Variants in FAM13C observed in about 807,000 individuals in gnomAD.
FAM13C encodes the protein family with sequence similarity 13 member C.
Under a neutral mutation model 73.2 loss-of-function variants are expected in FAM13C, and 37 were observed. The observed-to-expected ratio is 0.51, with a 90% CI of 0.39 to 0.67. The LOEUF is 0.67. FAM13C is among the 30% of genes least tolerant of loss of function. FAM13C has a pLI of 0.00. For synonymous variants in FAM13C, 246 were observed against 260.9 expected, an observed-to-expected ratio of 0.94 and a Z score of 0.55; for missense variants, 589 against 715.6, an observed-to-expected ratio of 0.82 and a Z score of 2.02.
chr10:59,317,219 G>C (rs1358987783), intron 4 of FAM13C, among the ~76,000 whole-genome samples: 1 of 151,846 alleles, frequency 6.6e-6, no homozygotes, highest in Non-Finnish European at 1.5e-5. Context: ...AGAAATATGG[G>C]AGTAGCCACG....
intron 4 of FAM13C, among the ~76,000 whole-genome samples, chr10:59,315,375 T>A (rs1297766592): frequency 2.6e-5 from 4 of 152,212 alleles, no homozygotes; most frequent in African/African-American, 9.7e-5. Context: ...ACTTAGATCA[T>A]GTCCCCATGT....
intron 1 of FAM13C, 76 bp from the exon 2 acceptor site, chr10:59,356,019 C>G: frequency 7.3e-7 from 1 of 1,373,080 alleles, no homozygotes; most frequent in Non-Finnish European, 1.0e-6. Flanking sequence ...CTAGAATTGT[C>G]TCAAGATTAC....
At chr10:59,307,279 C>T (rs1036146613) in intron 4 of FAM13C, among the ~76,000 whole-genome samples, 16 of 152,000 alleles carry the variant, frequency 1.1e-4, no homozygotes, top group South Asian at 2.1e-4. Flanking sequence ...CAGATAAGGT[C>T]ATGTGGGCAG....
intron 3 of FAM13C, among the ~76,000 whole-genome samples, chr10:59,333,436 C>T (rs1327932298): frequency 2.0e-5 from 3 of 152,042 alleles, no homozygotes; most frequent in Admixed American, 6.6e-5. Context: ...TGCAGTGAGC[C>T]AAAATCACTC....
intron 2 of FAM13C, among the ~76,000 whole-genome samples, chr10:59,353,232 C>G (rs138445549): frequency 2.0e-5 from 3 of 152,256 alleles, no homozygotes; most frequent in South Asian, 2.1e-4. Context: ...ATCCCTACCC[C>G]CCTCCAGTTA....
At chr10:59,319,999 C>G (rs555194524) in intron 4 of FAM13C, among the ~76,000 whole-genome samples, 1 of 152,258 alleles carries the variant, frequency 6.6e-6, no homozygotes, top group African/African-American at 2.4e-5. Context: ...CAGGGAGCTA[C>G]AGAGTCCCCA....
intron 1 of FAM13C, 145 bp from the exon 2 acceptor site, chr10:59,356,088 C>T (rs1424787756): frequency 1.6e-5 from 12 of 748,770 alleles, no homozygotes; most frequent in Non-Finnish European, 2.3e-5. Context: ...AGTTCTGATT[C>T]CTATGTCTCC....
chr10:59,337,216 G>C (rs1016152740), intron 3 of FAM13C, among the ~76,000 whole-genome samples: 3 of 152,182 alleles, frequency 2.0e-5, no homozygotes, highest in African/African-American at 7.2e-5. Flanking sequence ...TGCTAAATTA[G>C]CAAGGAAGAA....
intron 4 of FAM13C, among the ~76,000 whole-genome samples, chr10:59,304,778 G>GGGAAGGGAAA (rs1564553788): frequency 5.8e-5 from 5 of 85,888 alleles, no homozygotes; most frequent in South Asian, 5.9e-4. Flanking sequence ...GGGAAGGGAA[G>GGGAAGGGAAA]GGAAGGGAAG....
chr10:59,337,536 G>A (rs967017166), intron 3 of FAM13C, among the ~76,000 whole-genome samples: 1 of 152,144 alleles, frequency 6.6e-6, no homozygotes, highest in Non-Finnish European at 1.5e-5. Flanking sequence ...AGAGCAAGTT[G>A]TTATTGACCC....
intron 1 of FAM13C, among the ~76,000 whole-genome samples, chr10:59,356,334 A>G (rs1220036167): frequency 6.6e-6 from 1 of 152,094 alleles, no homozygotes; most frequent in African/African-American, 2.4e-5. Flanking sequence ...GGCAGTCCCA[A>G]ACCAAACCAG....
chr10:59,253,265 C>A (rs1452478017), intron 11 of FAM13C, among the ~76,000 whole-genome samples: 1 of 152,204 alleles, frequency 6.6e-6, no homozygotes, highest in African/African-American at 2.4e-5. Context: ...CCAATGAAGG[C>A]ACAGACCATT....
At chr10:59,293,396 T>G (rs1846518615) in intron 5 of FAM13C, among the ~76,000 whole-genome samples, 2 of 152,188 alleles carry the variant, frequency 1.3e-5, no homozygotes, top group South Asian at 4.1e-4. Flanking sequence ...TTCTTAGCAT[T>G]CACACATGAG....
chr10:59,297,438 G>A (rs1315142202), intron 5 of FAM13C, among the ~76,000 whole-genome samples: 2 of 152,140 alleles, frequency 1.3e-5, no homozygotes, highest in Non-Finnish European at 2.9e-5. Flanking sequence ...CCTCACTGTT[G>A]AGTCTACCAA....
chr10:59,360,612 T>C (rs1322861651), intron 1 of FAM13C, among the ~76,000 whole-genome samples: 1 of 152,108 alleles, frequency 6.6e-6, no homozygotes, highest in Non-Finnish European at 1.5e-5. Context: ...AATGACTAGT[T>C]TTAAACAGTC....
chr10:59,262,612 C>T lies in FAM13C; in HGVS notation c.1058G>A (p.Ser353Asn), dbSNP rs766747856. Reference sequence around the variant, plus strand: ...GTTTCTAGGTGGACCTTTGGGAGCACTCCCTTGTTCTTCTGACAGCTTTAG... The same window carrying T: ...GTTTCTAGGTGGACCTTTGGGAGCATTCCCTTGTTCTTCTGACAGCTTTAG... ...LKLKLSEEQG[S>N]APKGPPRNLL... Residue 353 changes from serine to asparagine, a missense_variant, in exon 10 of 14, where the codon AGT becomes AAT. Transcript: ENST00000618804. The T allele has an allele frequency of 4.3e-6, 7 of 1,613,714 alleles. No individual in the cohort carries two copies. In the South Asian group the frequency reaches 7.7e-5, roughly 18 times the overall value.
intron 8 of FAM13C, among the ~76,000 whole-genome samples, chr10:59,265,005 AT>A (rs911030298): frequency 1.1e-4 from 16 of 151,758 alleles, no homozygotes; most frequent in African/African-American, 3.6e-4. Context: ...GGGTTCTGTC[AT>A]TTTTTTTCTT....
At chr10:59,352,591 A>T in intron 2 of FAM13C, 117 bp from the exon 3 acceptor site, 1 of 1,115,048 alleles carries the variant, frequency 9.0e-7, no homozygotes, top group Non-Finnish European at 1.2e-6. Flanking sequence ...ACACCTCGCA[A>T]AATTTTTAGC....
chr10:59,334,883 C>T (rs2134130365), intron 3 of FAM13C, among the ~76,000 whole-genome samples: 1 of 152,030 alleles, frequency 6.6e-6, no homozygotes, highest in East Asian at 1.9e-4. Context: ...GCACATGTAC[C>T]CTAAAACTTA....
Sources: gnomAD v4.1 joint callset for allele counts (sites outside exome capture counted in the v4.1 genomes callset) on GRCh38, gnomAD v4.1.1 for gene constraint, MANE v1.5 for transcripts, NCBI Gene and HGNC (gene_info 2026-07-23, HGNC 2026-07-21) for gene names.